Variants in ELF1 observed in about 807,000 individuals in gnomAD.
The protein encoded by ELF1 is E74 like ETS transcription factor 1.
ELF1 carries 24 observed loss-of-function variants against 59.9 expected under a neutral mutation model. The ratio of observed to expected loss-of-function variants is 0.40; its 90% CI spans 0.29 to 0.56. ELF1 has a LOEUF of 0.56. Among genes scored for constraint, ELF1 ranks in the 20% least tolerant of loss-of-function variants. The probability of loss-of-function intolerance (pLI) is 0.44; values close to 1 mark genes in which losing one functional copy is unlikely to be tolerated. For synonymous variants in ELF1, 248 were observed against 266.2 expected (o/e 0.93, Z 0.67); for missense variants, 627 against 742.2 (o/e 0.84, Z 1.80).
chr13:41,001,516 T>A (rs1874444802), intron 1 of ELF1, among the ~76,000 whole-genome samples: 1 of 152,082 alleles, frequency 6.6e-6, no homozygotes, highest in South Asian at 2.1e-4. Flanking sequence ...ACACTACAAG[T>A]CTTCAAAATA....
intron 1 of ELF1, among the ~76,000 whole-genome samples, chr13:41,046,782 G>A (rs1425405052): frequency 6.6e-6 from 1 of 152,126 alleles, no homozygotes; most frequent in East Asian, 1.9e-4. Context: ...CTCTTCTCAA[G>A]GAGTATCTTT....
chr13:41,035,525 T>C (rs1324948283), intron 1 of ELF1, among the ~76,000 whole-genome samples: 1 of 152,092 alleles, frequency 6.6e-6, no homozygotes, highest in Non-Finnish European at 1.5e-5. Flanking sequence ...TTAATCTAAA[T>C]TCTCTGAACA....
chr13:40,958,283 TG>T (rs1249346945), intron 3 of ELF1, among the ~76,000 whole-genome samples: 3 of 152,230 alleles, frequency 2.0e-5, no homozygotes. Flanking sequence ...ATCGTACATT[TG>T]GGTCATGGCC....
At chr13:41,007,542 T>C (rs1417631073) in intron 1 of ELF1, among the ~76,000 whole-genome samples, 1 of 152,124 alleles carries the variant, frequency 6.6e-6, no homozygotes, top group East Asian at 1.9e-4. Context: ...CTCCTGCTAT[T>C]CAACTTCCCT....
chr13:40,934,169 A>G, intron 8 of ELF1, 141 bp from the exon 9 acceptor site: 1 of 1,112,564 alleles, frequency 9.0e-7, no homozygotes. Context: ...GAGCATGACC[A>G]ATATCATGCC....
intron 8 of ELF1, among the ~76,000 whole-genome samples, chr13:40,939,988 T>C (rs1870029261): frequency 6.6e-6 from 1 of 152,176 alleles, no homozygotes; most frequent in African/African-American, 2.4e-5. Flanking sequence ...TTTTAAATTG[T>C]CTATACAAAG....
upstream of ELF1, among the ~76,000 whole-genome samples, chr13:41,022,146 C>A (rs138420504): frequency 1.1e-3 from 172 of 152,210 alleles, no homozygotes; most frequent in African/African-American, 4.1e-3. Context: ...ATTGAAAACC[C>A]AAATAATGTC....
At chr13:40,945,540 T>C (rs904861205) in intron 5 of ELF1, among the ~76,000 whole-genome samples, 2 of 152,166 alleles carry the variant, frequency 1.3e-5, no homozygotes, top group Non-Finnish European at 1.5e-5. Context: ...GTGTTCTGCA[T>C]TTTTACCAAC....
At chr13:41,027,773 G>A (rs1453974167) in intron 1 of ELF1, among the ~76,000 whole-genome samples, 3 of 152,186 alleles carry the variant, frequency 2.0e-5, no homozygotes, top group Non-Finnish European at 4.4e-5. Flanking sequence ...TCACAAAAGT[G>A]GGGTAATGGG....
chr13:40,965,681 A>C (rs17630801), intron 2 of ELF1, among the ~76,000 whole-genome samples: 7,925 of 152,254 alleles, frequency 0.052, 461 homozygotes, highest in East Asian at 0.24. Context: ...CAAAAACATT[A>C]CATTCCATTT....
chr13:41,035,251 C>T (rs1876327228), intron 1 of ELF1, among the ~76,000 whole-genome samples: 1 of 152,224 alleles, frequency 6.6e-6, no homozygotes, highest in Admixed American at 6.5e-5. Context: ...GCTAGAATAC[C>T]TGGTAAAGAA....
chr13:40,986,125 T>C (rs1285422984), intron 1 of ELF1, among the ~76,000 whole-genome samples: 1 of 152,228 alleles, frequency 6.6e-6, no homozygotes, highest in East Asian at 1.9e-4. Flanking sequence ...GTTCCTAACC[T>C]GTCATCCCCA....
intron 5 of ELF1, among the ~76,000 whole-genome samples, chr13:40,948,393 G>A (rs1045829499): frequency 1.3e-5 from 2 of 152,176 alleles, no homozygotes; most frequent in East Asian, 1.9e-4. Flanking sequence ...GTCTCTGTCC[G>A]ATACCCCATC....
Position 41,035,407 on chromosome 13 carries a change from C to CT in ELF1, c.-229+25430dup, listed in dbSNP as rs373705779. Among the ~76,000 whole-genome samples the CT allele has an allele frequency of 1.7e-4, 25 of 148,852 alleles. 1 individual carries two copies. Among genetic ancestry groups the CT allele is most frequent in the East Asian group, 9.8e-4 (5 of 5,118 alleles). On this transcript the variant is annotated intron_variant, in intron 1 of 1. Coordinates refer to the ELF1 transcript ENST00000405737. ...ACTAATTATTGGCTCAATGATAAACCTTTTTTTTTTCCCTTTTCCACCCAA... is the reference window on the plus strand; with the variant it reads ...ACTAATTATTGGCTCAATGATAAACCTTTTTTTTTTTCCCTTTTCCACCCAA...
chr13:41,005,695 C>A (rs931772780), intron 1 of ELF1, among the ~76,000 whole-genome samples: 4 of 152,084 alleles, frequency 2.6e-5, no homozygotes, highest in Non-Finnish European at 5.9e-5. Flanking sequence ...CTATATACAA[C>A]CAAATAGAAC....
At chr13:40,986,428 G>A (rs973210144) in intron 1 of ELF1, among the ~76,000 whole-genome samples, 2 of 152,166 alleles carry the variant, frequency 1.3e-5, no homozygotes, top group African/African-American at 4.8e-5. Flanking sequence ...CTTCTTTAGC[G>A]CTGTAAGTAT....
In ELF1 at chr13:40,932,733, T is replaced by C. The variant is rs1869488420; in HGVS notation, c.*692A>G. On this transcript the variant is annotated 3_prime_UTR_variant, in exon 9 of 9. Coordinates refer to ENST00000239882, the MANE Select transcript of ELF1 (RefSeq NM_172373.4). Reference sequence around the variant, plus strand: ...AAATTAGAACTAGAAGAGAAAGTGGTGATCATCTAGTCTAATCCAATACAT... The same window carrying C: ...AAATTAGAACTAGAAGAGAAAGTGGCGATCATCTAGTCTAATCCAATACAT... 6.6e-6 allele frequency: 1 copy of C among 152,176 alleles called. No individual in the cohort carries two copies. The allele number at this position is 152,176 out of a possible 1,614,324, so 9.4% of individuals were successfully genotyped here.
At chr13:40,994,808 G>A (rs1422759543) in intron 1 of ELF1, among the ~76,000 whole-genome samples, 1 of 152,184 alleles carries the variant, frequency 6.6e-6, no homozygotes, top group Admixed American at 6.5e-5. Context: ...TAACTTGCAA[G>A]TAAACTGTTT....
chr13:40,968,805 G>T (rs2068855140), intron 2 of ELF1, among the ~76,000 whole-genome samples: 1 of 149,282 alleles, frequency 6.7e-6, no homozygotes. Context: ...TTGCAGCCTT[G>T]ACCTCTGGGG....
Sources: allele counts gnomAD v4.1 joint callset (sites outside exome capture counted in the v4.1 genomes callset), GRCh38; gene constraint gnomAD v4.1.1; transcripts MANE v1.5; gene names NCBI Gene and HGNC (gene_info 2026-07-23, HGNC 2026-07-21).